Variants in NLRP6 observed in about 807,000 individuals in gnomAD.
NLRP6 encodes NLR family pyrin domain containing 6.
NLRP6 carries 55 observed loss-of-function variants against 70.9 expected under a neutral mutation model. The ratio of observed to expected loss-of-function variants is 0.78; its 90% CI spans 0.62 to 0.97. NLRP6 has a LOEUF of 0.97. Ranked by LOEUF, NLRP6 falls within the 50% of genes least tolerant of loss-of-function variation. NLRP6 has a pLI of 0.00. For missense variants in NLRP6, 1,241 were observed against 1,238.3 expected, an observed-to-expected ratio of 1.00 and a Z score of -0.03; for synonymous variants, 652 against 581.9, an observed-to-expected ratio of 1.12 and a Z score of -1.73.
Position 284,564 on chromosome 11 carries a change from G to C in NLRP6, c.2459G>C (p.Gly820Ala). The C allele has an allele frequency of 6.2e-7, 1 of 1,612,500 alleles. No individual in the cohort carries two copies. The highest frequency in any genetic ancestry group is 8.5e-7 in the Non-Finnish European group (1 of 1,179,862). ...SPALTTLDLS[G>A]CQLPAPMVTY... ...GCCCTGACCACCCTGGATCTCAGCG[G>C]CTGCCAACTGCCCGCCCCCATGGTG... is the stretch of plus-strand genomic sequence containing the variant. Residue 820 changes from glycine (G) to alanine (A), a missense_variant, in exon 7 of 8, where the codon GGC (glycine) becomes GCC (alanine). Physicochemically the swap from Gly to Ala is moderately conservative, Grantham distance 60. Transcript: ENST00000534750.
chr11:279,365 T>C lies in NLRP6; in HGVS notation c.68T>C (p.Leu23Pro). The C allele has an allele frequency of 1.5e-6, 2 of 1,309,480 alleles. No homozygotes were observed. The highest frequency in any genetic ancestry group is 9.7e-7 in the Non-Finnish European group (1 of 1,029,326). 81.1% of individuals were successfully genotyped at this position (1,309,480 alleles called of 1,614,324 possible). A position where few individuals can be genotyped will look rare whatever the true frequency, so the allele number is the denominator to read the frequency against. The change falls in exon 2 of 8, where the codon CTG becomes CCG. Residue 23 changes from leucine to proline, a missense_variant. Leu to Pro is a moderately conservative substitution (Grantham distance 98). Transcript: ENST00000534750. Reference sequence around the variant, plus strand: ...CTCGCGGTGGCCCGCGAGCTGCTCCTGGCTGCGCTGGAGGAACTGAGCCAA... The same window carrying C: ...CTCGCGGTGGCCCGCGAGCTGCTCCCGGCTGCGCTGGAGGAACTGAGCCAA... The part of the protein sequence containing the change: ...PRLAVARELL[L>P]AALEELSQEQ...
chr11:282,738 CCTT>C lies in NLRP6; in HGVS notation c.2144_2146del (p.Leu715del). On this transcript the variant is annotated inframe_deletion, in exon 5 of 8. Coordinates refer to ENST00000534750, the MANE Select transcript of NLRP6 (RefSeq NM_001276700.2). ...GCACCACAAAACAACTGCCAGCCTC[CCTT>C]CTTCATCCACTCTTTCAGGCAATGA... The C allele has an allele frequency of 6.2e-7, 1 of 1,614,142 alleles. No homozygotes were observed. Among genetic ancestry groups the C allele is most frequent in the Non-Finnish European group, 8.5e-7 (1 of 1,179,984 alleles).
intron 1 of NLRP6, chr11:279,071 A>T (rs1845427667): frequency 2.7e-6 from 1 of 376,948 alleles, no homozygotes; most frequent in African/African-American, 2.1e-5. Context: ...AGCTCAGATC[A>T]GCGGCGGCCA....
rs1845447823 is a variant in NLRP6 at position 280,211 on chromosome 11, G to A, written c.477G>A (p.Pro159=). The change falls in exon 4 of 8, where the codon CCG becomes CCA. Residue 159 remains proline, a synonymous_variant. Transcript: ENST00000534750. ...TCATCGCGCCCGAGAGCGCCGCCCC[G>A]GAGGAGGCGATGGGGCCCGCGGAAG... ...KLLIAPESAA[P]EEAMGPAEEP... 10 of 1,546,458 alleles carry A rather than the reference G, an allele frequency of 6.5e-6. No homozygotes were observed. The Middle Eastern group carries it at 5.6e-4, about 86-fold the overall frequency.
In NLRP6 at chr11:280,294, G is replaced by A. The variant is rs76744706; in HGVS notation, c.560G>A (p.Arg187His). ...ACGCACACTTTCAACCGCCTCTTCC[G>A]CCGCGACGAGGAGGGCCGGCGGCCG... ...SDTHTFNRLF[R>H]RDEEGRRPLT... Residue 187 changes from arginine to histidine, a missense_variant, in exon 4 of 8, where the codon CGC (arginine) becomes CAC (histidine). Coordinates refer to ENST00000534750, the MANE Select transcript of NLRP6 (RefSeq NM_001276700.2). The A allele has an allele frequency of 3.7e-3, 5,626 of 1,502,480 alleles. 183 individuals are homozygous for A. In the African/African-American group the frequency reaches 0.071, roughly 19 times the overall value. 93.1% of individuals were successfully genotyped at this position (1,502,480 alleles called of 1,614,324 possible). A position where few individuals can be genotyped will look rare whatever the true frequency, so the allele number is the denominator to read the frequency against.
Position 284,605 on chromosome 11 carries a change from G to C in NLRP6, c.2500G>C (p.Val834Leu), listed in dbSNP as rs750891031. 6.2e-7 allele frequency: 1 copy of C among 1,610,654 alleles called. No individual in the cohort carries two copies. Among genetic ancestry groups the C allele is most frequent in the Admixed American group, 1.7e-5 (1 of 59,920 alleles). Residue 834 changes from valine (V) to leucine (L), a missense_variant, in exon 7 of 8, where the codon GTC becomes CTC. Physicochemically the swap from Val to Leu is conservative, Grantham distance 32. Coordinates refer to ENST00000534750, the MANE Select transcript of NLRP6 (RefSeq NM_001276700.2). Reference sequence around the variant, plus strand: ...CCCCATGGTGACCTACCTGTGTGCAGTCCTGCAGCACCAGGGATGCGGCCT... The same window carrying C: ...CCCCATGGTGACCTACCTGTGTGCACTCCTGCAGCACCAGGGATGCGGCCT... ...PAPMVTYLCA[V>L]LQHQGCGLQT...
rs1845478145 is a variant in NLRP6 at position 281,516 on chromosome 11, C to A, written c.1782C>A (p.Thr594=). ...QGCPGVAPEV[T]EGAKGLEDTE... is the part of the protein sequence containing the mutation. The stretch of plus-strand genomic sequence containing the variant: ...GCCCCGGAGTGGCACCAGAGGTGAC[C>A]GAGGGGGCCAAAGGGCTCGAGGACA... Residue 594 remains threonine (T), a synonymous_variant, in exon 4 of 8, where the codon ACC becomes ACA. Transcript: ENST00000534750. 2 of 1,605,668 alleles carry A rather than the reference C, an allele frequency of 1.2e-6. No individual in the cohort carries two copies. Among genetic ancestry groups the A allele is most frequent in the Non-Finnish European group, 1.7e-6 (2 of 1,175,684 alleles).
In NLRP6 at chr11:284,551, C is replaced by G. The variant is rs756427968; in HGVS notation, c.2446C>G (p.Leu816Val). 20 of 1,612,762 alleles carry G rather than the reference C, an allele frequency of 1.2e-5. No homozygotes were observed. Among genetic ancestry groups the G allele is most frequent in the Non-Finnish European group, 1.4e-5 (16 of 1,179,876 alleles). ...MLRQSPALTT[L>V]DLSGCQLPAP... ...TCGGCAGAGCCCTGCCCTGACCACC[C>G]TGGATCTCAGCGGCTGCCAACTGCC... is the stretch of plus-strand genomic sequence containing the variant. Residue 816 changes from leucine (L) to valine (V), a missense_variant, in exon 7 of 8, where the codon CTG becomes GTG. By Grantham distance (32) the Leu-to-Val change is conservative (BLOSUM62 1). Coordinates refer to ENST00000534750, the MANE Select transcript of NLRP6 (RefSeq NM_001276700.2).
At position 279,410 on chromosome 11, in the gene NLRP6, G is replaced by T. The variant is rs1313354863; in HGVS notation, c.113G>T (p.Arg38Leu). The T allele has an allele frequency of 1.5e-6, 2 of 1,361,084 alleles. No homozygotes were observed. Among genetic ancestry groups the T allele is most frequent in the Non-Finnish European group, 1.9e-6 (2 of 1,059,598 alleles). 84.3% of individuals were successfully genotyped at this position (1,361,084 alleles called of 1,614,324 possible). The stretch of plus-strand genomic sequence containing the variant: ...AGCCAAGAGCAGCTGAAGCGCTTCC[G>T]CCACAAGCTGCGCGACGTGGGCCCG... ...ELSQEQLKRF[R>L]HKLRDVGPDG... The change falls in exon 2 of 8, where the codon CGC becomes CTC. Residue 38 changes from arginine to leucine, a missense_variant. Transcript: ENST00000534750.
chr11:279,273 G>A (rs1227231325), intron 1 of NLRP6, 54 bp from the exon 2 acceptor site: 4 of 1,225,192 alleles, frequency 3.3e-6, no homozygotes, highest in African/African-American at 1.6e-5. Context: ...GTCGGGGGCG[G>A]GCGGGGGTCA....
chr11:279,944 G>T (rs961908108), intron 3 of NLRP6, 72 bp downstream of exon 3: 22 of 1,444,354 alleles, frequency 1.5e-5, no homozygotes, highest in Non-Finnish European at 1.9e-5. Context: ...ACCGGGGTGG[G>T]AGGGCCGCCA....
At position 280,394 on chromosome 11, in the gene NLRP6, G is replaced by A. The variant is rs765018729; in HGVS notation, c.660G>A (p.Ala220=). 1 of 1,568,454 alleles carries A rather than the reference G, an allele frequency of 6.4e-7. No individual in the cohort carries two copies. The highest frequency in any genetic ancestry group is 1.8e-5 in the Admixed American group (1 of 56,598). The part of the protein sequence containing the change: ...MAAKKILYDW[A]AGKLYQGQVD... ...CCAAAAAGATCCTGTACGACTGGGC[G>A]GCGGGCAAGCTGTACCAGGGCCAGG... The change falls in exon 4 of 8, where the codon GCG becomes GCA. Residue 220 remains alanine, a synonymous_variant. Transcript: ENST00000534750.
chr11:280,711 C>G lies in NLRP6; in HGVS notation c.977C>G (p.Thr326Arg). The change falls in exon 4 of 8, where the codon ACG (threonine) becomes AGG (arginine). Residue 326 changes from threonine (T) to arginine (R), a missense_variant. Thr to Arg is a moderately conservative substitution (Grantham distance 71). Transcript: ENST00000534750. ...LLPTALLLVT[T>R]RAAAPGRLQG... ...CCCACGGCCCTCCTGCTGGTGACCA[C>G]GCGCGCCGCCGCCCCCGGGAGGCTG... 5.7e-6 allele frequency: 9 copies of G among 1,570,898 alleles called. No homozygotes were observed. Among genetic ancestry groups the G allele is most frequent in the South Asian group, 4.7e-5 (4 of 84,234 alleles).
rs1845542593 is a variant in NLRP6 at position 285,266 on chromosome 11, C to T, written c.2638C>T (p.His880Tyr). 2.5e-6 allele frequency: 4 copies of T among 1,608,680 alleles called. No individual in the cohort carries two copies. The highest frequency in any genetic ancestry group is 1.1e-5 in the South Asian group (1 of 89,854). Residue 880 changes from histidine to tyrosine, a missense_variant, in exon 8 of 8, where the codon CAC becomes TAC. Physicochemically the swap from His to Tyr is moderately conservative, Grantham distance 83. Coordinates refer to ENST00000534750, the MANE Select transcript of NLRP6 (RefSeq NM_001276700.2). ...CATCACACACCCAGCGCTGGACGGC[C>T]ACCCACAACCTCCCAAGGAACTCAT... ...LVITHPALDG[H>Y]PQPPKELIST...
At position 278,623 on chromosome 11, in the gene NLRP6, A is replaced by G; in HGVS notation, c.29+25A>G. 1 of 1,571,212 alleles carries G rather than the reference A, an allele frequency of 6.4e-7. No homozygotes were observed. The highest frequency in any genetic ancestry group is 8.6e-7 in the Non-Finnish European group (1 of 1,159,662). On this transcript the variant is annotated intron_variant, in intron 1 of 7. Transcript: ENST00000534750. The surrounding 1 kb of genome is among the most constrained non-coding windows in gnomAD (Gnocchi z 4.7). ...GGTGAGTGCTGGCCCCAGGGTGGTC[A>G]CTGGGAACCGGCTGGTCTCAGCCCT... is the stretch of plus-strand genomic sequence containing the variant.
chr11:285,251 C>T lies in NLRP6; in HGVS notation c.2623C>T (p.Pro875Ser). 1 of 1,607,682 alleles carries T rather than the reference C, an allele frequency of 6.2e-7. No individual in the cohort carries two copies. The change falls in exon 8 of 8, where the codon CCA becomes TCA. Residue 875 changes from proline to serine, a missense_variant. Physicochemically the swap from Pro to Ser is moderately conservative, Grantham distance 74. Transcript: ENST00000534750. ...RAKPDLVITH[P>S]ALDGHPQPPK... ...AAAGCCGGATCTGGTCATCACACAC[C>T]CAGCGCTGGACGGCCACCCACAACC...
In NLRP6 at chr11:280,147, C is replaced by T; in HGVS notation, c.413C>T (p.Ala138Val). ...CACGCTCGGGTGAAGGAGAGGAACGCCCGCTCCGTGAAGATCACCAAGCGC... is the reference window on the plus strand; with the variant it reads ...CACGCTCGGGTGAAGGAGAGGAACGTCCGCTCCGTGAAGATCACCAAGCGC... ...QLHARVKERN[A>V]RSVKITKRFT... The change falls in exon 4 of 8, where the codon GCC becomes GTC. Residue 138 changes from alanine to valine, a missense_variant. Coordinates refer to ENST00000534750, the MANE Select transcript of NLRP6 (RefSeq NM_001276700.2). The T allele has an allele frequency of 1.9e-6, 3 of 1,550,464 alleles. No homozygotes were observed. The highest frequency in any genetic ancestry group is 2.4e-5 in the East Asian group (1 of 41,512).
In NLRP6 at chr11:279,582, G is replaced by T. The variant is rs1410156489; in HGVS notation, c.285G>T (p.Ala95=). 7.1e-7 allele frequency: 1 copy of T among 1,411,924 alleles called. No homozygotes were observed. Among genetic ancestry groups the T allele is most frequent in the South Asian group, 1.5e-5 (1 of 66,386 alleles). The allele number at this position is 1,411,924 out of a possible 1,614,324, so 87.5% of individuals were successfully genotyped here. Residue 95 remains alanine (A), a synonymous_variant, in exon 2 of 8, where the codon GCG becomes GCT. Transcript: ENST00000534750. ...LKRADARDVA[A]QLQERRLQRL... is the part of the protein sequence containing the mutation. Reference sequence around the variant, plus strand: ...GGGCGGACGCGCGCGACGTGGCGGCGCAGCTCCAGGAGCGGCGGCTGCAGC... The same window carrying T: ...GGGCGGACGCGCGCGACGTGGCGGCTCAGCTCCAGGAGCGGCGGCTGCAGC...
chr11:284,425 G>A (rs764075381), intron 6 of NLRP6, 25 bp downstream of exon 6: 63 of 1,600,790 alleles, frequency 3.9e-5, no homozygotes, highest in Middle Eastern at 1.7e-4. Flanking sequence ...GGGAGGGACC[G>A]TGGGATGCCC....
Sources: allele counts gnomAD v4.1 joint callset, GRCh38; gene constraint gnomAD v4.1.1; non-coding constraint Gnocchi (gnomAD v3.1); transcripts MANE v1.5; gene names NCBI Gene and HGNC (gene_info 2026-07-23, HGNC 2026-07-21).